Variants in C3orf62 observed in about 807,000 individuals in gnomAD.
C3orf62 encodes the protein uncharacterized protein C3orf62.
C3orf62 carries 16 observed loss-of-function variants against 21.7 expected under a neutral mutation model. That is an observed-to-expected ratio of 0.74 (90% CI 0.50 to 1.12). The LOEUF (loss-of-function observed/expected upper bound fraction) is 1.12, where lower values mean the gene tolerates loss of function less well. C3orf62 is among the 50% of genes most tolerant of loss of function. C3orf62 has a pLI of 0.00. For missense variants in C3orf62, 310 were observed against 318.8 expected (o/e 0.97, Z 0.21); for synonymous variants, 114 against 117.0 (o/e 0.97, Z 0.17).
Position 49,276,506 on chromosome 3 carries a change from G to A in C3orf62, c.367C>T (p.His123Tyr). Residue 123 changes from histidine to tyrosine, a missense_variant, in exon 1 of 3, where the codon CAT becomes TAT. Transcript: ENST00000343010. ...PLTSKENVLM[H>Y]SSILAPERES... Reference sequence around the variant, plus strand: ...CTTTCAGGTGCCAAAATGGAGGAATGCATCAATACATTTTCCTTGCTGGTT... The same window carrying A: ...CTTTCAGGTGCCAAAATGGAGGAATACATCAATACATTTTCCTTGCTGGTT... 1 of 1,614,204 alleles carries A rather than the reference G, an allele frequency of 6.2e-7. No individual in the cohort carries two copies. Among genetic ancestry groups the A allele is most frequent in the Non-Finnish European group, 8.5e-7 (1 of 1,180,030 alleles).
intron 1 of C3orf62, 72 bp downstream of exon 1, chr3:49,276,355 G>A (rs1001332877): frequency 5.4e-6 from 8 of 1,468,294 alleles, no homozygotes; most frequent in Middle Eastern, 1.9e-4. Context: ...CTAAATCTAG[G>A]ATCTTCAACA....
intron 1 of C3orf62, among the ~76,000 whole-genome samples, chr3:49,275,795 G>T (rs1575595944): frequency 6.6e-6 from 1 of 152,098 alleles, no homozygotes; most frequent in South Asian, 2.1e-4. Context: ...CTCCCAAAGT[G>T]CTGGGATTAC....
intron 2 of C3orf62, among the ~76,000 whole-genome samples, chr3:49,271,862 C>T (rs978285681): frequency 6.8e-6 from 1 of 147,644 alleles, no homozygotes; most frequent in Non-Finnish European, 1.5e-5. Flanking sequence ...TAATAACTTG[C>T]GCCCAGGAGT....
chr3:49,274,229 C>A, intron 1 of C3orf62, 89 bp from the exon 2 acceptor site: 2 of 1,021,268 alleles, frequency 2.0e-6, no homozygotes, highest in Admixed American at 2.0e-5. Flanking sequence ...TTTAGATAAT[C>A]TCAAAGACAA....
rs1553622011 is a variant in C3orf62, at chr3:49,275,533, T to TTTTG, written c.446+893_446+894insCAAA. ...AGAACTTTGAAGTTTTTTTTTTTTT[T>TTTTG]TTTTTTTTTTTTTTTGATACGGAGT... On this transcript the variant is annotated intron_variant, in intron 1 of 2. Coordinates refer to ENST00000343010, the MANE Select transcript of C3orf62 (RefSeq NM_198562.3). 1.1e-4 allele frequency among the ~76,000 whole-genome samples: 14 copies of TTTTG among 121,900 alleles called. 1 individual carries two copies. Among genetic ancestry groups the TTTTG allele is most frequent in the South Asian group, 3.1e-4 (1 of 3,196 alleles). The allele number at this position is 121,900 out of a possible 152,430, so 80.0% of individuals were successfully genotyped here.
In C3orf62 at chr3:49,271,174, C is replaced by G. The variant is rs1303321996; in HGVS notation, c.*6G>C. 6.2e-7 allele frequency: 1 copy of G among 1,608,474 alleles called. No homozygotes were observed. The highest frequency in any genetic ancestry group is 2.2e-5 in the East Asian group (1 of 44,748). ...CTGTAAGGAATCAAAGCTTAGATAA[C>G]TGTCCTTACTCAATTTGGTATTTAA... On this transcript the variant is annotated 3_prime_UTR_variant, in exon 3 of 3. Transcript: ENST00000343010.
At position 49,276,781 on chromosome 3, in the gene C3orf62, G is replaced by T. The variant is rs200997728; in HGVS notation, c.92C>A (p.Ala31Asp). ...RKELTAAIDR[A>D]FEGVSYSQEC... The stretch of plus-strand genomic sequence containing the variant: ...CTGGGAATAACTAACTCCTTCAAAG[G>T]CCCGGTCAATGGCTGCAGTCAGTTC... Residue 31 changes from alanine to aspartate, a missense_variant, in exon 1 of 3, where the codon GCC (alanine) becomes GAC (aspartate). Transcript: ENST00000343010. The T allele has an allele frequency of 6.9e-5, 111 of 1,614,066 alleles. No individual in the cohort carries two copies. Among genetic ancestry groups the T allele is most frequent in the Non-Finnish European group, 8.3e-5 (98 of 1,180,050 alleles).
chr3:49,272,534 CTTTTTTTTTTTTT>C (rs746086446), intron 2 of C3orf62, among the ~76,000 whole-genome samples: 3 of 51,842 alleles, frequency 5.8e-5, no homozygotes, highest in Non-Finnish European at 9.9e-5. Flanking sequence ...TTCTCCTAAT[CTTTTTTTTTTTTT>C]TTTTTTTTTT....
rs751544055 is a variant in C3orf62 at position 49,273,920 on chromosome 3, C to T, written c.538+129G>A. On this transcript the variant is annotated intron_variant, in intron 2 of 2. Coordinates refer to ENST00000343010, the MANE Select transcript of C3orf62 (RefSeq NM_198562.3). ...TCGATCTCCTCGGCCTTCCAAAGTG[C>T]TGGGATTACAGGCATGAACCACCGT... The T allele has an allele frequency of 2.3e-4, 154 of 681,660 alleles. 1 individual carries two copies. In the Middle Eastern group the frequency reaches 5.3e-3, roughly 23 times the overall value. 42.2% of individuals were successfully genotyped at this position (681,660 alleles called of 1,614,324 possible). A position where few individuals can be genotyped will look rare whatever the true frequency, so the allele number is the denominator to read the frequency against.
intron 2 of C3orf62, among the ~76,000 whole-genome samples, chr3:49,272,620 C>G (rs1017758784): frequency 7.2e-5 from 10 of 139,332 alleles, no homozygotes; most frequent in Non-Finnish European, 9.1e-5. Context: ...TCTCGGCTCA[C>G]TGCAACCTCT....
At position 49,274,156 on chromosome 3, in the gene C3orf62, G is replaced by A. The variant is rs182430703; in HGVS notation, c.447-16C>T. The A allele has an allele frequency of 2.3e-5, 36 of 1,581,910 alleles. No individual in the cohort carries two copies. Among genetic ancestry groups the A allele is most frequent in the Admixed American group, 1.7e-4 (10 of 57,648 alleles). ...CATATCTTTCCTGCAGCCCCCAGGT[G>A]GGGGGGAAGAAAAGGTGGGGAATTA... On this transcript the variant is annotated splice_polypyrimidine_tract_variant and intron_variant, in intron 1 of 2. Transcript: ENST00000343010.
At chr3:49,275,536 T>G (rs1368751550) in intron 1 of C3orf62, among the ~76,000 whole-genome samples, 1 of 126,128 alleles carries the variant, frequency 7.9e-6, no homozygotes, top group Non-Finnish European at 1.7e-5. Flanking sequence ...TTTTTTTTTT[T>G]TTTTTTTTTT....
At position 49,276,947 on chromosome 3, in the gene C3orf62, G is replaced by A; in HGVS notation, c.-75C>T. On this transcript the variant is annotated 5_prime_UTR_variant, in exon 1 of 3. Transcript: ENST00000343010. ...ACCCCTGAATGGCCACGATTTCCTG[G>A]AGCTTGGCCCTGGCTATAGCAGGAC... The A allele has an allele frequency of 6.5e-7, 1 of 1,539,802 alleles. No homozygotes were observed.
At chr3:49,271,487 G>A (rs777513119) in intron 2 of C3orf62, 42 bp from the exon 3 acceptor site, 18 of 1,585,796 alleles carry the variant, frequency 1.1e-5, no homozygotes, top group Non-Finnish European at 1.5e-5. Context: ...CCAGTGGAAG[G>A]TTTCTGAAGA....
At position 49,269,688 on chromosome 3, in the gene C3orf62, G is replaced by C. The variant is rs2046902541; in HGVS notation, c.*1492C>G. The C allele has an allele frequency of 6.6e-6, 1 of 152,318 alleles. No individual in the cohort carries two copies. Among genetic ancestry groups the C allele is most frequent in the African/African-American group, 2.4e-5 (1 of 41,464 alleles). The allele number at this position is 152,318 out of a possible 1,614,324, so 9.4% of individuals were successfully genotyped here. On this transcript the variant is annotated 3_prime_UTR_variant, in exon 3 of 3. Transcript: ENST00000343010. ...TTAACCTCAACTCCTGCCCCAGGCA[G>C]GGCAGTGGCAGTGGCCACAACTGGT...
chr3:49,275,104 C>G (rs1490119965), intron 1 of C3orf62, among the ~76,000 whole-genome samples: 1 of 151,194 alleles, frequency 6.6e-6, no homozygotes. Flanking sequence ...CAGGCGTGAG[C>G]CACTGTGCCC....
At chr3:49,274,334 T>C in intron 1 of C3orf62, 194 bp from the exon 2 acceptor site, 3 of 562,150 alleles carry the variant, frequency 5.3e-6, no homozygotes, top group Non-Finnish European at 6.4e-6. Flanking sequence ...TTTACCATAA[T>C]GACTCACGAG....
rs1055505688 is a variant in C3orf62 at position 49,277,145 on chromosome 3, C to G, written c.-273G>C. 8 of 1,437,328 alleles carry G rather than the reference C, an allele frequency of 5.6e-6. No homozygotes were observed. Among genetic ancestry groups the G allele is most frequent in the South Asian group, 4.9e-5 (4 of 82,198 alleles). 89.0% of individuals were successfully genotyped at this position (1,437,328 alleles called of 1,614,324 possible). On this transcript the variant is annotated 5_prime_UTR_variant, in exon 1 of 3. Transcript: ENST00000343010. ...TCCCAGGCCGCTGGCCCTACCGGCA[C>G]CCCCCCTTTGGCGAGTCGGCAGCCA...
chr3:49,277,229 G>A lies in C3orf62; in HGVS notation c.-357C>T. ...GACCCATCCAACGGTCATCGCATGCGCGTGCCCCGCGCAGGCCCCAAACCC... is the reference window on the plus strand; with the variant it reads ...GACCCATCCAACGGTCATCGCATGCACGTGCCCCGCGCAGGCCCCAAACCC... On this transcript the variant is annotated 5_prime_UTR_variant, in exon 1 of 3. Coordinates refer to ENST00000343010, the MANE Select transcript of C3orf62 (RefSeq NM_198562.3). 2.3e-6 allele frequency: 3 copies of A among 1,317,022 alleles called. No individual in the cohort carries two copies. The highest frequency in any genetic ancestry group is 1.2e-5 in the South Asian group (1 of 81,256). The allele number at this position is 1,317,022 out of a possible 1,614,324, so 81.6% of individuals were successfully genotyped here.
Sources: gnomAD v4.1 joint callset for allele counts (sites outside exome capture counted in the v4.1 genomes callset) on GRCh38, gnomAD v4.1.1 for gene constraint, MANE v1.5 for transcripts, NCBI Gene and HGNC (gene_info 2026-07-23, HGNC 2026-07-21) for gene names.